The following NDUFA5 variants were observed in gnomAD, a reference collection of about 807,000 sequenced individuals.
NDUFA5 encodes NADH:ubiquinone oxidoreductase subunit A5.
Under a neutral mutation model 19.8 loss-of-function variants are expected in NDUFA5, and 11 were observed. The ratio of observed to expected loss-of-function variants is 0.56; its 90% CI spans 0.35 to 0.92. NDUFA5 has a LOEUF of 0.92. NDUFA5 is among the 40% of genes least tolerant of loss of function. NDUFA5 has a pLI of 0.01. For missense variants in NDUFA5, 109 were observed against 134.2 expected (o/e 0.81, Z 0.93); for synonymous variants, 47 against 46.8 (o/e 1.00, Z -0.01).
the NDUFA5 span, among the ~76,000 whole-genome samples, chr7:123,599,257 A>G: frequency 6.6e-6 from 1 of 150,798 alleles, no homozygotes; most frequent in Non-Finnish European, 1.5e-5. Flanking sequence ...AAAAAAGAAT[A>G]CCAAAAAAAC....
intron 3 of NDUFA5, 30 bp downstream of exon 3, chr7:123,550,440 C>CTG (rs1562895997): frequency 3.0e-6 from 4 of 1,344,892 alleles, no homozygotes; most frequent in Non-Finnish European, 4.0e-6. Context: ...AAATGTTACA[C>CTG]AAGACAACAA....
the NDUFA5 span, among the ~76,000 whole-genome samples, chr7:123,585,508 T>C: frequency 3.3e-5 from 5 of 151,826 alleles, no homozygotes; most frequent in African/African-American, 1.2e-4. Context: ...TTTATTGAGG[T>C]ATAATTAATA....
rs1456231028 is a variant in NDUFA5 at position 123,556,290 on chromosome 7, G to C, written c.66+1114C>G. On this transcript the variant is annotated intron_variant, in intron 2 of 4. Transcript: ENST00000355749. ...TGCCTGTCTGACACATACAAATAGA[G>C]ATGCCCACTAAGCAATTAAATATTC... is the stretch of plus-strand genomic sequence containing the variant. 2.6e-5 allele frequency: 4 copies of C among 152,374 alleles called. No homozygotes were observed. The East Asian group carries it at 7.7e-4, about 29-fold the overall frequency. The allele number at this position is 152,374 out of a possible 1,614,324, so 9.4% of individuals were successfully genotyped here.
At chr7:123,558,004 T>C, upstream of NDUFA5, 1 of 743,260 alleles carries the variant, frequency 1.3e-6, no homozygotes, top group Non-Finnish European at 2.2e-6. Flanking sequence ...AAAGCTAAGC[T>C]AGAAGACGAT....
At chr7:123,599,476 A>G in the NDUFA5 span, among the ~76,000 whole-genome samples, 6 of 152,186 alleles carry the variant, frequency 3.9e-5, no homozygotes, top group Non-Finnish European at 8.8e-5. Context: ...CTGTTTTTTA[A>G]AATCCAGGCC....
the NDUFA5 span, among the ~76,000 whole-genome samples, chr7:123,597,187 T>A: frequency 6.6e-6 from 1 of 152,198 alleles, no homozygotes; most frequent in Non-Finnish European, 1.5e-5. Flanking sequence ...GTCACCCTGC[T>A]CTGTTCTGCT....
At chr7:123,567,601 G>A in the NDUFA5 span, among the ~76,000 whole-genome samples, 1 of 152,110 alleles carries the variant, frequency 6.6e-6, no homozygotes, top group Non-Finnish European at 1.5e-5. Flanking sequence ...TAGGATTCTG[G>A]AGCGCTCCTC....
At chr7:123,557,548 G>A (rs2116215313) in intron 1 of NDUFA5, 100 bp from the exon 2 acceptor site, 2 of 1,611,268 alleles carry the variant, frequency 1.2e-6, no homozygotes, top group South Asian at 1.1e-5. Flanking sequence ...GCTAAAACTG[G>A]TCTAAAGCCA....
At chr7:123,581,982 G>A in the NDUFA5 span, among the ~76,000 whole-genome samples, 1 of 151,906 alleles carries the variant, frequency 6.6e-6, no homozygotes, top group South Asian at 2.1e-4. Flanking sequence ...ATGAATTCTG[G>A]GGCAGAAATT....
intron 4 of NDUFA5, 101 bp downstream of exon 4, chr7:123,545,510 G>A (rs758258244): frequency 1.6e-5 from 14 of 864,458 alleles, no homozygotes; most frequent in African/African-American, 1.0e-4. Flanking sequence ...CATATTTGAC[G>A]AGTTGATATA....
chr7:123,594,960 C>T, the NDUFA5 span, among the ~76,000 whole-genome samples: 1 of 152,180 alleles, frequency 6.6e-6, no homozygotes, highest in African/African-American at 2.4e-5. Context: ...AGCTTCCCTG[C>T]CGCTTTGTTT....
chr7:123,554,066 G>A (rs1010032124), intron 2 of NDUFA5, among the ~76,000 whole-genome samples: 2 of 152,160 alleles, frequency 1.3e-5, no homozygotes, highest in Admixed American at 6.6e-5. Flanking sequence ...GAACTGTGCT[G>A]TCTAAAACAG....
chr7:123,563,762 C>T, the NDUFA5 span, among the ~76,000 whole-genome samples: 1 of 152,060 alleles, frequency 6.6e-6, no homozygotes, highest in East Asian at 1.9e-4. Flanking sequence ...ATCACAGTAT[C>T]CTAGAGCCAG....
chr7:123,586,753 A>G, the NDUFA5 span, among the ~76,000 whole-genome samples: 1 of 151,778 alleles, frequency 6.6e-6, no homozygotes, highest in East Asian at 1.9e-4. Flanking sequence ...GATAAGGGTT[A>G]ATTTCATATA....
the NDUFA5 span, among the ~76,000 whole-genome samples, chr7:123,591,996 A>G: frequency 1.3e-5 from 2 of 152,110 alleles, no homozygotes; most frequent in African/African-American, 4.8e-5. Flanking sequence ...TGGTCTATTC[A>G]GAGATTCAAC....
chr7:123,563,829 G>T, the NDUFA5 span, among the ~76,000 whole-genome samples: 296 of 152,250 alleles, frequency 1.9e-3, 5 homozygotes, highest in Middle Eastern at 0.024. Context: ...GTTCTCTAAG[G>T]GTTCTAAACA....
chr7:123,560,674 C>T (rs1798677332), upstream of NDUFA5, among the ~76,000 whole-genome samples: 1 of 152,164 alleles, frequency 6.6e-6, no homozygotes, highest in African/African-American at 2.4e-5. Context: ...TCATGGTATG[C>T]TCATATTTAC....
the NDUFA5 span, among the ~76,000 whole-genome samples, chr7:123,589,533 A>G: frequency 6.6e-6 from 1 of 151,808 alleles, no homozygotes; most frequent in Non-Finnish European, 1.5e-5. Context: ...CTGTGTTCTC[A>G]TTATTCAACT....
intron 3 of NDUFA5, among the ~76,000 whole-genome samples, chr7:123,548,886 C>T (rs1463327683): frequency 2.0e-5 from 3 of 151,822 alleles, no homozygotes; most frequent in Non-Finnish European, 2.9e-5. Flanking sequence ...GGATCTGCAT[C>T]TGTGGATTCA....
Sources: gnomAD v4.1 joint callset for allele counts (sites outside exome capture counted in the v4.1 genomes callset) on GRCh38, gnomAD v4.1.1 for gene constraint, MANE v1.5 for transcripts, NCBI Gene and HGNC (gene_info 2026-07-23, HGNC 2026-07-21) for gene names.